PRRC1: variants seen among roughly 807,000 people sequenced by gnomAD.
The protein encoded by PRRC1 is protein PRRC1.
PRRC1 carries 39 observed loss-of-function variants against 40.7 expected under a neutral mutation model. The observed-to-expected ratio is 0.96, with a 90% confidence interval of 0.74 to 1.25. The LOEUF is 1.25. Among genes scored for constraint, PRRC1 ranks in the 50% most tolerant of loss-of-function variants. The probability of loss-of-function intolerance (pLI) is 0.00; values close to 1 mark genes in which losing one functional copy is unlikely to be tolerated. For missense variants in PRRC1, 573 were observed against 548.3 expected, an observed-to-expected ratio of 1.05 and a Z score of -0.45; for synonymous variants, 175 against 193.3, an observed-to-expected ratio of 0.91 and a Z score of 0.79.
Position 127,524,541 on chromosome 5 carries a change from TTC to T in PRRC1, c.116_117del (p.Ser39PhefsTer65). 1 of 1,598,942 alleles carries T rather than the reference TTC, an allele frequency of 6.3e-7. No homozygotes were observed. The highest frequency in any genetic ancestry group is 8.5e-7 in the Non-Finnish European group (1 of 1,170,854). On this transcript the variant is annotated frameshift_variant, in exon 3 of 9. Transcript: ENST00000296666. LOFTEE classifies it high-confidence loss of function. ...STPVPLAATSSFSSPNVSSME... is the reference protein window; with the variant it reads ...STPVPLAATSXFSSPNVSSME... Reference sequence around the variant, plus strand: ...TCCACTTTTTTCTAGCGGCAACCAGTTCTTTTTCTTCTCCAAATGTATCCTCC... The same window carrying T: ...TCCACTTTTTTCTAGCGGCAACCAGTTTTTTCTTCTCCAAATGTATCCTCC...
chr5:127,521,767 A>G (rs1479293952), intron 1 of PRRC1, among the ~76,000 whole-genome samples: 1 of 151,972 alleles, frequency 6.6e-6, no homozygotes, highest in African/African-American at 2.4e-5. Context: ...ATTTTATTGA[A>G]TGTATCTTGT....
At position 127,539,067 on chromosome 5, in the gene PRRC1, C is replaced by T. The variant is rs749944350; in HGVS notation, c.949C>T (p.Arg317Cys). The change falls in exon 7 of 9, where the codon CGT (arginine) becomes TGT (cysteine). Residue 317 changes from arginine to cysteine, a missense_variant. Transcript: ENST00000296666. ...TGCTCAGGAACGGATAGATAGCTTG[C>T]GTCGAACTGGGGTGATCCATGAAAA... ...KGAQERIDSLRRTGVIHEKQT... is the reference protein window; with the variant it reads ...KGAQERIDSLCRTGVIHEKQT... 21 of 1,612,580 alleles carry T rather than the reference C, an allele frequency of 1.3e-5. No individual in the cohort carries two copies. Among genetic ancestry groups the T allele is most frequent in the East Asian group, 6.7e-5 (3 of 44,856 alleles).
At chr5:127,534,723 G>T (rs1321913335) in intron 6 of PRRC1, among the ~76,000 whole-genome samples, 2 of 152,028 alleles carry the variant, frequency 1.3e-5, no homozygotes, top group Non-Finnish European at 2.9e-5. Context: ...CTGTCTCTGT[G>T]CTAACAGTTC....
At chr5:127,533,040 T>G (rs1767814903) in intron 5 of PRRC1, among the ~76,000 whole-genome samples, 1 of 152,282 alleles carries the variant, frequency 6.6e-6, no homozygotes, top group Non-Finnish European at 1.5e-5. Flanking sequence ...TTATTTCGTA[T>G]TACTCTTAAT....
chr5:127,531,232 C>CA (rs1369064259), intron 5 of PRRC1, among the ~76,000 whole-genome samples: 43 of 152,194 alleles, frequency 2.8e-4, no homozygotes, highest in African/African-American at 1.0e-3. Context: ...GTATTTTCCT[C>CA]AAGTTTTGGA....
intron 6 of PRRC1, 159 bp downstream of exon 6, chr5:127,533,945 T>C (rs892535800): frequency 4.0e-6 from 3 of 751,668 alleles, no homozygotes; most frequent in African/African-American, 3.5e-5. Context: ...TATGAAGATA[T>C]AGTGGAGTTT....
chr5:127,550,264 G>T (rs1768342274), intron 8 of PRRC1: 1 of 152,108 alleles, frequency 6.6e-6, no homozygotes, highest in Non-Finnish European at 1.5e-5. Flanking sequence ...ATACAAAACT[G>T]TGTGCATTGA....
rs748903951 is a variant in PRRC1, at chr5:127,524,689, A to G, written c.262A>G (p.Thr88Ala). The G allele has an allele frequency of 1.9e-6, 3 of 1,613,922 alleles. No homozygotes were observed. The highest frequency in any genetic ancestry group is 2.7e-5 in the African/African-American group (2 of 74,854). Residue 88 changes from threonine (T) to alanine (A), a missense_variant, in exon 3 of 9, where the codon ACT (threonine) becomes GCT (alanine). Coordinates refer to ENST00000296666, the MANE Select transcript of PRRC1 (RefSeq NM_130809.5). ...PAVPSVPPLV[T>A]SMPPPVSPST... Reference sequence around the variant, plus strand: ...AGTTCCTTCTGTCCCACCACTTGTTACTTCTATGCCACCTCCTGTTTCTCC... The same window carrying G: ...AGTTCCTTCTGTCCCACCACTTGTTGCTTCTATGCCACCTCCTGTTTCTCC...
intron 2 of PRRC1, 151 bp downstream of exon 2, chr5:127,523,733 T>C (rs1459983799): frequency 3.7e-5 from 17 of 457,014 alleles, no homozygotes; most frequent in Non-Finnish European, 6.1e-5. Context: ...ATTTAAAGAA[T>C]AGAAAGAAAG....
rs1470921296 is a variant in PRRC1, at chr5:127,524,964, G to A, written c.493+44G>A. On this transcript the variant is annotated intron_variant, in intron 3 of 8. Transcript: ENST00000296666. Reference sequence around the variant, plus strand: ...TTGAAATACATGGCTATTAATTAATGTTTTATTCTTTTTTAAAATAATAGC... The same window carrying A: ...TTGAAATACATGGCTATTAATTAATATTTTATTCTTTTTTAAAATAATAGC... The A allele has an allele frequency of 4.0e-6, 6 of 1,494,638 alleles. No individual in the cohort carries two copies. In the East Asian group the frequency reaches 6.8e-5, roughly 17 times the overall value. The allele number at this position is 1,494,638 out of a possible 1,614,324, so 92.6% of individuals were successfully genotyped here. A position where few individuals can be genotyped will look rare whatever the true frequency, so the allele number is the denominator to read the frequency against.
At position 127,530,346 on chromosome 5, in the gene PRRC1, C is replaced by G; in HGVS notation, c.707C>G (p.Ser236Ter). ...VKSVLDKTKH[S>*]VESMITTLDP... ...TCTGTGCTTGATAAGACAAAACATT[C>G]AGTAGAAAGCATGATTACAACGCTG... is the stretch of plus-strand genomic sequence containing the variant. Residue 236 changes from serine to a stop codon, truncating the protein, a stop_gained, in exon 5 of 9, where the codon TCA (serine) becomes TGA (stop). Transcript: ENST00000296666. LOFTEE classifies it high-confidence loss of function. 1 of 1,613,844 alleles carries G rather than the reference C, an allele frequency of 6.2e-7. No homozygotes were observed. The highest frequency in any genetic ancestry group is 2.2e-5 in the East Asian group (1 of 44,858).
At chr5:127,550,969 GA>G (rs1477455597) in intron 8 of PRRC1, 2 of 152,094 alleles carry the variant, frequency 1.3e-5, no homozygotes, top group Admixed American at 1.3e-4. Flanking sequence ...TGAGAAACTG[GA>G]TATCGTTAAA....
Position 127,552,987 on chromosome 5 carries a change from T to G in PRRC1, c.*1071T>G, listed in dbSNP as rs908528472. On this transcript the variant is annotated 3_prime_UTR_variant, in exon 9 of 9. Transcript: ENST00000296666. ...TCTATTTCGTGGAAGCCTTTTCCCC[T>G]CAAATAATATATTATATCATTTTTG... 1.3e-6 allele frequency: 1 copy of G among 788,382 alleles called. No individual in the cohort carries two copies. 48.8% of individuals were successfully genotyped at this position (788,382 alleles called of 1,614,324 possible).
At chr5:127,520,085 G>C (rs1767419847) in intron 1 of PRRC1, among the ~76,000 whole-genome samples, 1 of 152,150 alleles carries the variant, frequency 6.6e-6, no homozygotes, top group Non-Finnish European at 1.5e-5. Context: ...TTTCAACTTT[G>C]GCACTATTGA....
Position 127,551,728 on chromosome 5 carries a change from G to A in PRRC1, c.1150G>A (p.Asp384Asn). Residue 384 changes from aspartate to asparagine, a missense_variant, in exon 9 of 9, where the codon GAC (aspartate) becomes AAC (asparagine). Asp to Asn is a conservative substitution (Grantham distance 23). Coordinates refer to ENST00000296666, the MANE Select transcript of PRRC1 (RefSeq NM_130809.5). ...VQQAQSLTPQ[D>N]YNLRWSGLLV... ...ACAGGCTCAAAGTCTAACTCCCCAG[G>A]ACTATAATCTGAGGTGGTCAGGCCT... 1 of 1,614,046 alleles carries A rather than the reference G, an allele frequency of 6.2e-7. No individual in the cohort carries two copies. Among genetic ancestry groups the A allele is most frequent in the Non-Finnish European group, 8.5e-7 (1 of 1,179,992 alleles).
chr5:127,528,715 ATGTTTAATTTT>A (rs1423782952), intron 4 of PRRC1, among the ~76,000 whole-genome samples: 1 of 151,946 alleles, frequency 6.6e-6, no homozygotes, highest in Non-Finnish European at 1.5e-5. Flanking sequence ...AGTTCCCTTA[ATGTTTAATTTT>A]TTAGACACTT....
intron 6 of PRRC1, among the ~76,000 whole-genome samples, chr5:127,537,319 T>C (rs1468582736): frequency 2.0e-5 from 3 of 151,874 alleles, no homozygotes; most frequent in East Asian, 1.9e-4. Context: ...TGATCTCTTA[T>C]ATTGCTAAAA....
In PRRC1 at chr5:127,526,509, A is replaced by T. The variant is rs139415331; in HGVS notation, c.494-109A>T. On this transcript the variant is annotated intron_variant, in intron 3 of 8. Coordinates refer to ENST00000296666, the MANE Select transcript of PRRC1 (RefSeq NM_130809.5). ...GTGTTAATCTTTGATTGTATAACTC[A>T]GTCTTCAAATGCCTGAATATTAATA... The T allele has an allele frequency of 2.5e-4, 176 of 718,294 alleles. 2 individuals carry two copies. In the East Asian group the frequency reaches 4.9e-3, roughly 20 times the overall value. 44.5% of individuals were successfully genotyped at this position (718,294 alleles called of 1,614,324 possible). A position where few individuals can be genotyped will look rare whatever the true frequency, so the allele number is the denominator to read the frequency against.
chr5:127,531,617 CTTTTTTTTTTTTTT>C (rs60179366), intron 5 of PRRC1, among the ~76,000 whole-genome samples: 2 of 99,680 alleles, frequency 2.0e-5, no homozygotes, highest in Non-Finnish European at 3.6e-5. Context: ...TCTTCTTCTT[CTTTTTTTTTTTTTT>C]TTTTTTTTTG....
Sources: gnomAD v4.1 joint callset for allele counts (sites outside exome capture counted in the v4.1 genomes callset) on GRCh38, gnomAD v4.1.1 for gene constraint, MANE v1.5 for transcripts, NCBI Gene and HGNC (gene_info 2026-07-23, HGNC 2026-07-21) for gene names.